The following SPTLC2 variants were observed in gnomAD, a reference collection of about 807,000 sequenced individuals.
SPTLC2 encodes serine palmitoyltransferase long chain base subunit 2.
Under a neutral mutation model 62.0 loss-of-function variants are expected in SPTLC2, and 21 were observed. That is an observed-to-expected ratio of 0.34 (90% CI 0.24 to 0.49). The LOEUF is 0.49. Ranked by LOEUF, SPTLC2 falls within the 20% of genes least tolerant of loss-of-function variation. The probability of loss-of-function intolerance (pLI) is 0.99; values close to 1 mark genes in which losing one functional copy is unlikely to be tolerated. For synonymous variants in SPTLC2, 261 were observed against 261.8 expected, an observed-to-expected ratio of 1.00 and a Z score of 0.03; for missense variants, 511 against 713.0, an observed-to-expected ratio of 0.72 and a Z score of 3.23.
chr14:77,583,424 T>C (rs1234042807), intron 2 of SPTLC2, among the ~76,000 whole-genome samples: 1 of 152,070 alleles, frequency 6.6e-6, no homozygotes, highest in Non-Finnish European at 1.5e-5. Flanking sequence ...GGGGGTAATC[T>C]TTTCATTCAT....
intron 2 of SPTLC2, among the ~76,000 whole-genome samples, chr14:77,582,559 G>A (rs933242133): frequency 6.6e-6 from 1 of 152,296 alleles, no homozygotes; most frequent in Non-Finnish European, 1.5e-5. Context: ...AAAAAAGACT[G>A]CAGGCCAGAA....
intron 1 of SPTLC2, among the ~76,000 whole-genome samples, chr14:77,607,546 A>T (rs2079911717): frequency 6.6e-6 from 1 of 152,194 alleles, no homozygotes; most frequent in African/African-American, 2.4e-5. Context: ...AGATTTTCTA[A>T]GAATCAAATT....
chr14:77,569,797 T>A (rs927164602), intron 5 of SPTLC2, among the ~76,000 whole-genome samples: 2 of 136,972 alleles, frequency 1.5e-5, no homozygotes, highest in Admixed American at 7.5e-5. Context: ...GTAATATATA[T>A]AATATGTAAC....
At position 77,521,575 on chromosome 14, in the gene SPTLC2, T is replaced by C. The variant is rs1383268472; in HGVS notation, c.1310A>G (p.Glu437Gly). ...MGQDGTSLGK[E>G]CVQQLAENTR... ...GTTTTCAGCTAACTGTTGTACACAC[T>C]CTTTACCTGGAAAGTCACGGTGAGA... Residue 437 changes from glutamate (E) to glycine (G), a missense_variant, in exon 10 of 12, where the codon GAG becomes GGG. Physicochemically the swap from Glu to Gly is moderately conservative, Grantham distance 98 (BLOSUM62 -2). Transcript: ENST00000216484. The C allele has an allele frequency of 6.2e-7, 1 of 1,613,916 alleles. No homozygotes were observed. The highest frequency in any genetic ancestry group is 8.5e-7 in the Non-Finnish European group (1 of 1,179,954).
At chr14:77,555,544 ATATACACAT>A in intron 7 of SPTLC2, 25 bp from the exon 8 acceptor site, 1 of 1,597,588 alleles carries the variant, frequency 6.3e-7, no homozygotes, top group Non-Finnish European at 8.6e-7. Context: ...AAAAATATAT[ATATACACAT>A]ATACACTGAG....
intron 6 of SPTLC2, among the ~76,000 whole-genome samples, chr14:77,559,258 G>A (rs1425592648): frequency 6.6e-6 from 1 of 152,160 alleles, no homozygotes; most frequent in East Asian, 1.9e-4. Flanking sequence ...AGGAGACGGA[G>A]GTTGCAGTGA....
At chr14:77,582,109 A>G (rs776172948) in intron 2 of SPTLC2, among the ~76,000 whole-genome samples, 3 of 151,670 alleles carry the variant, frequency 2.0e-5, no homozygotes, top group Non-Finnish European at 4.4e-5. Flanking sequence ...CTGGAGTGCA[A>G]TGGTGTGATC....
At chr14:77,594,741 G>A (rs1335597436) in intron 2 of SPTLC2, among the ~76,000 whole-genome samples, 2 of 152,216 alleles carry the variant, frequency 1.3e-5, no homozygotes, top group African/African-American at 2.4e-5. Flanking sequence ...CCTCATCCAG[G>A]AATGTGCTGT....
At chr14:77,593,967 A>G (rs754907942) in intron 2 of SPTLC2, among the ~76,000 whole-genome samples, 2 of 152,196 alleles carry the variant, frequency 1.3e-5, no homozygotes, top group Non-Finnish European at 2.9e-5. Context: ...AAAATGGCAG[A>G]AGTTGGCTGT....
At chr14:77,584,899 C>T (rs1247208841) in intron 2 of SPTLC2, among the ~76,000 whole-genome samples, 2 of 152,238 alleles carry the variant, frequency 1.3e-5, no homozygotes, top group African/African-American at 4.8e-5. Flanking sequence ...CAGTGAGAAG[C>T]ACATACAACA....
intron 6 of SPTLC2, among the ~76,000 whole-genome samples, chr14:77,561,917 A>C (rs2079617033): frequency 6.6e-6 from 1 of 152,220 alleles, no homozygotes; most frequent in Admixed American, 6.5e-5. Context: ...CATTTTAATA[A>C]TACACAAAGA....
At chr14:77,529,260 T>C (rs1433444181) in intron 9 of SPTLC2, among the ~76,000 whole-genome samples, 29 of 144,928 alleles carry the variant, frequency 2.0e-4, no homozygotes, top group South Asian at 6.3e-4. Flanking sequence ...CTTCTTTTTT[T>C]TTTTTTTTTT....
intron 9 of SPTLC2, among the ~76,000 whole-genome samples, chr14:77,524,193 G>A (rs1006391948): frequency 2.0e-5 from 3 of 152,068 alleles, no homozygotes; most frequent in Admixed American, 6.5e-5. Context: ...GTATGAATTC[G>A]TTTGTATGAA....
At chr14:77,540,048 G>A (rs946528927) in intron 9 of SPTLC2, among the ~76,000 whole-genome samples, 10 of 151,830 alleles carry the variant, frequency 6.6e-5, no homozygotes, top group Admixed American at 4.6e-4. Flanking sequence ...AATACAAAAT[G>A]AGCCAGGTGT....
At chr14:77,541,655 T>TG (rs1333766532) in intron 9 of SPTLC2, among the ~76,000 whole-genome samples, 2 of 152,110 alleles carry the variant, frequency 1.3e-5, no homozygotes, top group Admixed American at 1.3e-4. Context: ...AGCTCTAAAG[T>TG]GGGGGGAGAA....
rs17106068 is a variant in SPTLC2 at position 77,604,268 on chromosome 14, C to T, written c.133-6888G>A. Among the ~76,000 whole-genome samples, 937 of 152,270 alleles carry T rather than the reference C, an allele frequency of 6.2e-3. 33 individuals are homozygous for T. The East Asian group carries it at 0.12, about 19-fold the overall frequency. On this transcript the variant is annotated intron_variant, in intron 1 of 11. Coordinates refer to ENST00000216484, the MANE Select transcript of SPTLC2 (RefSeq NM_004863.4). ...GGAGAGAGTCTGAAGGGCAGTGGGTCTCCAATGTCCTGAAGAAAGGGTTCA... is the reference window on the plus strand; with the variant it reads ...GGAGAGAGTCTGAAGGGCAGTGGGTTTCCAATGTCCTGAAGAAAGGGTTCA...
intron 5 of SPTLC2, among the ~76,000 whole-genome samples, chr14:77,564,888 C>A (rs1296596767): frequency 1.3e-5 from 2 of 151,954 alleles, no homozygotes; most frequent in Admixed American, 6.6e-5. Flanking sequence ...CTTCCTTACA[C>A]AAAAATTCTA....
intron 9 of SPTLC2, among the ~76,000 whole-genome samples, chr14:77,534,325 T>C (rs952068118): frequency 1.3e-5 from 2 of 152,054 alleles, no homozygotes; most frequent in African/African-American, 4.8e-5. Context: ...ATATTACCAA[T>C]TTTTTAAAAG....
chr14:77,534,713 T>C (rs1218699601), intron 9 of SPTLC2, among the ~76,000 whole-genome samples: 1 of 151,704 alleles, frequency 6.6e-6, no homozygotes, highest in Non-Finnish European at 1.5e-5. Context: ...GGAGAACATA[T>C]TGTGCACTAG....
Sources: gnomAD v4.1 joint callset for allele counts (sites outside exome capture counted in the v4.1 genomes callset) on GRCh38, gnomAD v4.1.1 for gene constraint, MANE v1.5 for transcripts, NCBI Gene and HGNC (gene_info 2026-07-23, HGNC 2026-07-21) for gene names.